Variants in ERI1 observed in about 807,000 individuals in gnomAD.
ERI1 encodes the protein 3'-5' exoribonuclease 1.
A neutral mutation model predicts 39.7 loss-of-function variants in ERI1; 39 were observed. The ratio of observed to expected loss-of-function variants is 0.98; its 90% CI spans 0.76 to 1.28. The LOEUF is 1.28. ERI1 is among the 50% of genes most tolerant of loss of function. The probability of loss-of-function intolerance (pLI) is 0.00; values close to 1 mark genes in which losing one functional copy is unlikely to be tolerated. For synonymous variants in ERI1, 204 were observed against 149.6 expected (o/e 1.36, Z -2.65); for missense variants, 581 against 416.9 (o/e 1.39, Z -3.43).
intron 3 of ERI1, among the ~76,000 whole-genome samples, chr8:9,059,504 G>T (rs1225830834): frequency 6.6e-6 from 1 of 151,946 alleles, no homozygotes; most frequent in African/African-American, 2.4e-5. Context: ...GTGGAAAGGG[G>T]TGATATTGTG....
chr8:9,027,222 T>G (rs971615028), intron 6 of ERI1, among the ~76,000 whole-genome samples: 1 of 151,866 alleles, frequency 6.6e-6, no homozygotes, highest in African/African-American at 2.4e-5. Flanking sequence ...TCATTGTGGT[T>G]TTGATTTGTA....
At chr8:9,063,437 G>C (rs376495415) in intron 3 of ERI1, among the ~76,000 whole-genome samples, 22 of 152,182 alleles carry the variant, frequency 1.4e-4, no homozygotes, top group Non-Finnish European at 2.4e-4. Context: ...AAGCCAGACC[G>C]GGTGTGAGGA....
At chr8:9,043,776 C>G (rs1010446551) in intron 3 of ERI1, among the ~76,000 whole-genome samples, 4 of 152,212 alleles carry the variant, frequency 2.6e-5, no homozygotes, top group Non-Finnish European at 2.9e-5. Flanking sequence ...AGAACTTGAA[C>G]TCCTGTGCTC....
In ERI1 at chr8:9,011,678, G is replaced by C. The variant is rs1563313139; in HGVS notation, c.424G>C (p.Gly142Arg). 4 of 1,613,604 alleles carry C rather than the reference G, an allele frequency of 2.5e-6. No homozygotes were observed. The highest frequency in any genetic ancestry group is 3.4e-6 in the Non-Finnish European group (4 of 1,179,658). Residue 142 changes from glycine to arginine, a missense_variant, in exon 3 of 7, where the codon GGA becomes CGA. By Grantham distance (125) the Gly-to-Arg change is moderately radical. Coordinates refer to ENST00000250263, the MANE Select transcript of ERI1 (RefSeq NM_153332.4). Reference protein sequence around the residue: ...IIDFEATCEEGNPPEFVHEII... With the variant: ...IIDFEATCEERNPPEFVHEII... Reference sequence around the variant, plus strand: ...TGACTTTGAAGCCACTTGTGAAGAAGGAAACCCACCTGAGTTTGTACATGA... The same window carrying C: ...TGACTTTGAAGCCACTTGTGAAGAACGAAACCCACCTGAGTTTGTACATGA...
At chr8:9,021,099 A>G (rs1817839448) in intron 6 of ERI1, among the ~76,000 whole-genome samples, 1 of 151,948 alleles carries the variant, frequency 6.6e-6, no homozygotes, top group Non-Finnish European at 1.5e-5. Flanking sequence ...CTATAGCTCT[A>G]TTACCTTTCA....
downstream of ERI1, among the ~76,000 whole-genome samples, chr8:9,034,204 C>T (rs145580051): frequency 8.6e-4 from 131 of 152,360 alleles, no homozygotes; most frequent in African/African-American, 2.9e-3. Context: ...GGCTTTAAAC[C>T]AGATCTGCTT....
chr8:9,034,544 T>A (rs748513018), downstream of ERI1, among the ~76,000 whole-genome samples: 4 of 152,218 alleles, frequency 2.6e-5, no homozygotes, highest in Non-Finnish European at 5.9e-5. Context: ...TTGATGTTAC[T>A]ATCATGGTGG....
At chr8:9,081,962 T>C (rs1313635371) in intron 3 of ERI1, among the ~76,000 whole-genome samples, 3 of 152,194 alleles carry the variant, frequency 2.0e-5, no homozygotes, top group African/African-American at 7.2e-5. Flanking sequence ...AGTTGTTCTC[T>C]CTGTATGAAG....
At chr8:9,003,596 C>G (rs948023618) in intron 1 of ERI1, among the ~76,000 whole-genome samples, 8 of 152,214 alleles carry the variant, frequency 5.3e-5, no homozygotes. Context: ...AAAGCACTCA[C>G]CAGCATCCCT....
At chr8:9,036,709 G>C (rs112838252), downstream of ERI1, among the ~76,000 whole-genome samples, 444 of 151,876 alleles carry the variant, frequency 2.9e-3, 1 homozygote, top group African/African-American at 9.8e-3. Flanking sequence ...TTTCTATTGA[G>C]TAAAAGAACA....
Position 9,016,362 on chromosome 8 carries a change from C to T in ERI1, c.539C>T (p.Thr180Ile), listed in dbSNP as rs766628427. 4 of 1,607,416 alleles carry T rather than the reference C, an allele frequency of 2.5e-6. No homozygotes were observed. Among genetic ancestry groups the T allele is most frequent in the Non-Finnish European group, 3.4e-6 (4 of 1,176,566 alleles). Residue 180 changes from threonine to isoleucine, a missense_variant, in exon 4 of 7, where the codon ACA becomes ATA. Coordinates refer to ENST00000250263, the MANE Select transcript of ERI1 (RefSeq NM_153332.4). ...FQQYVRPEIN[T>I]QLSDFCISLT... ...CAGTATGTAAGACCAGAGATTAACA[C>T]ACAGCTGTCTGATTTCTGCATCAGT...
Position 9,029,912 on chromosome 8 carries a change from C to T in ERI1, c.928C>T (p.Leu310Phe), listed in dbSNP as rs768633184. ...KNIARIAVRM[L>F]QDGCELRINE... is the part of the protein sequence containing the mutation. The stretch of plus-strand genomic sequence containing the variant: ...TATCGCCCGAATAGCAGTTCGAATG[C>T]TTCAGGATGGGTGTGAACTCCGAAT... Residue 310 changes from leucine (L) to phenylalanine (F), a missense_variant, in exon 7 of 7, where the codon CTT becomes TTT. Transcript: ENST00000250263. The T allele has an allele frequency of 6.2e-7, 1 of 1,614,114 alleles. No individual in the cohort carries two copies. The highest frequency in any genetic ancestry group is 1.1e-5 in the South Asian group (1 of 91,086).
At chr8:9,095,048 G>A (rs1799833915) in intron 3 of ERI1, among the ~76,000 whole-genome samples, 1 of 152,146 alleles carries the variant, frequency 6.6e-6, no homozygotes, top group Non-Finnish European at 1.5e-5. Flanking sequence ...TTTCCTACTG[G>A]CAGTTGCAAC....
rs560913519 is a variant in ERI1, at chr8:9,045,579, T to G, written n.299+25115T>G. Among the ~76,000 whole-genome samples the G allele has an allele frequency of 2.0e-5, 3 of 152,194 alleles. No individual in the cohort carries two copies. The East Asian group carries it at 5.8e-4, about 29-fold the overall frequency. On this transcript the variant is annotated intron_variant and non_coding_transcript_variant, in intron 3 of 3. Coordinates refer to the ERI1 transcript ENST00000518663. ...GGGGAGGCCAAGGCAGGAGGATCAC[T>G]TGAGCCCAGGAATTTGAGATCAGCC...
chr8:9,081,602 G>A (rs1057125537), intron 3 of ERI1, among the ~76,000 whole-genome samples: 11 of 151,706 alleles, frequency 7.3e-5, no homozygotes, highest in South Asian at 2.1e-4. Flanking sequence ...TCTTTCTATG[G>A]CTCTCAGAAT....
chr8:9,018,200 A>C (rs755168219), intron 4 of ERI1, 97 bp from the exon 5 acceptor site: 21 of 608,514 alleles, frequency 3.5e-5, no homozygotes, highest in Middle Eastern at 2.7e-4. Flanking sequence ...AGCCTTTCTC[A>C]TACTGTTTCT....
chr8:9,030,075 T>C lies in ERI1; in HGVS notation c.*41T>C, dbSNP rs367749692. ...TGGATCATTCCAATTGAAGTTGCTATGAAGAGGTAGCAGATGAATCTCATT... is the reference window on the plus strand; with the variant it reads ...TGGATCATTCCAATTGAAGTTGCTACGAAGAGGTAGCAGATGAATCTCATT... On this transcript the variant is annotated 3_prime_UTR_variant, in exon 7 of 7. Coordinates refer to ENST00000250263, the MANE Select transcript of ERI1 (RefSeq NM_153332.4). 1.9e-6 allele frequency: 3 copies of C among 1,604,940 alleles called. No homozygotes were observed. Among genetic ancestry groups the C allele is most frequent in the Non-Finnish European group, 2.6e-6 (3 of 1,172,978 alleles).
intron 3 of ERI1, among the ~76,000 whole-genome samples, chr8:9,058,740 A>C (rs941948069): frequency 2.6e-5 from 4 of 152,188 alleles, no homozygotes; most frequent in Admixed American, 6.5e-5. Context: ...TTGTTAGAAC[A>C]ACTCAGCAAA....
intron 3 of ERI1, among the ~76,000 whole-genome samples, chr8:9,052,793 T>C (rs2117377238): frequency 6.6e-6 from 1 of 152,342 alleles, no homozygotes; most frequent in East Asian, 1.9e-4. Flanking sequence ...GAATGTCTGT[T>C]GTTATACATG....
Sources: allele counts gnomAD v4.1 joint callset (sites outside exome capture counted in the v4.1 genomes callset), GRCh38; gene constraint gnomAD v4.1.1; transcripts MANE v1.5; gene names NCBI Gene and HGNC (gene_info 2026-07-23, HGNC 2026-07-21).